SERGEF: variants seen among roughly 807,000 people sequenced by gnomAD.
SERGEF encodes the protein secretion-regulating guanine nucleotide exchange factor.
A neutral mutation model predicts 50.0 loss-of-function variants in SERGEF; 51 were observed. The ratio of observed to expected loss-of-function variants is 1.02; its 90% CI spans 0.81 to 1.29. The LOEUF is 1.29. SERGEF is among the 50% of genes most tolerant of loss of function. The probability of loss-of-function intolerance (pLI) is 0.00; values close to 1 mark genes in which losing one functional copy is unlikely to be tolerated. For missense variants in SERGEF, 521 were observed against 557.0 expected, an observed-to-expected ratio of 0.94 and a Z score of 0.65; for synonymous variants, 205 against 212.4, an observed-to-expected ratio of 0.97 and a Z score of 0.30.
At chr11:17,955,555 C>T (rs560240119) in intron 9 of SERGEF, among the ~76,000 whole-genome samples, 1 of 152,320 alleles carries the variant, frequency 6.6e-6, no homozygotes, top group African/African-American at 2.4e-5. Flanking sequence ...GGCAGTGTCA[C>T]TGAGGTCAGT....
At chr11:17,903,257 C>A (rs1021677456) in intron 9 of SERGEF, among the ~76,000 whole-genome samples, 11 of 151,922 alleles carry the variant, frequency 7.2e-5, no homozygotes, top group Non-Finnish European at 1.2e-4. Context: ...TGACTCACTG[C>A]GGAAGCCTAC....
At chr11:17,999,508 C>T in intron 5 of SERGEF, 2 of 451,510 alleles carry the variant, frequency 4.4e-6, no homozygotes, top group South Asian at 3.2e-5. Flanking sequence ...TCTCTCCTTC[C>T]TCCACTCCAC....
intron 10 of SERGEF, among the ~76,000 whole-genome samples, chr11:17,804,641 ACTGGATTCTT>A (rs1281662131): frequency 6.6e-6 from 1 of 152,184 alleles, no homozygotes; most frequent in African/African-American, 2.4e-5. Flanking sequence ...TCCCTACTTT[ACTGGATTCTT>A]CTAACAATCA....
At chr11:17,913,751 G>A (rs1851996545) in intron 9 of SERGEF, among the ~76,000 whole-genome samples, 1 of 152,110 alleles carries the variant, frequency 6.6e-6, no homozygotes, top group Non-Finnish European at 1.5e-5. Flanking sequence ...CAAGAGAAAA[G>A]AGACCTGTGG....
rs1463648353 is a variant in SERGEF, at chr11:17,845,823, TCCAGGTCTATAGAACTGGG to T, written c.1048+32366_1048+32384del. ...AACTAAGGTCCAGAGAGGGCCCACT[TCCAGGTCTATAGAACTGGG>T]AATTGGGTGCTTAGAAATTTGCAGT... On this transcript the variant is annotated intron_variant, in intron 10 of 10. Coordinates refer to ENST00000265965, the MANE Select transcript of SERGEF (RefSeq NM_012139.4). 3.9e-5 allele frequency among the ~76,000 whole-genome samples: 6 copies of T among 152,178 alleles called. No individual in the cohort carries two copies. The East Asian group carries it at 1.2e-3, about 29-fold the overall frequency.
At chr11:17,841,146 G>A (rs1394114434) in intron 10 of SERGEF, among the ~76,000 whole-genome samples, 1 of 152,160 alleles carries the variant, frequency 6.6e-6, no homozygotes, top group Non-Finnish European at 1.5e-5. Context: ...AAACAAGGCT[G>A]ACCCCCAGAG....
intron 8 of SERGEF, among the ~76,000 whole-genome samples, chr11:17,977,930 A>G (rs1590229566): frequency 6.6e-6 from 1 of 152,346 alleles, no homozygotes. Context: ...CACCCAGTCT[A>G]TATCACTTGG....
At chr11:17,894,628 T>C (rs1055710123) in intron 9 of SERGEF, among the ~76,000 whole-genome samples, 39 of 152,212 alleles carry the variant, frequency 2.6e-4, no homozygotes, top group Non-Finnish European at 5.9e-5. Flanking sequence ...GCTGTGTACA[T>C]AGTAGGTCTT....
intron 7 of SERGEF, 97 bp downstream of exon 7, chr11:17,992,834 T>C (rs1853745452): frequency 9.3e-7 from 1 of 1,079,480 alleles, no homozygotes; most frequent in Non-Finnish European, 1.4e-6. Context: ...AGCTCCAAAG[T>C]CTATGACATT....
chr11:17,934,504 C>A (rs1437752138), intron 9 of SERGEF, among the ~76,000 whole-genome samples: 1 of 152,216 alleles, frequency 6.6e-6, no homozygotes, highest in Non-Finnish European at 1.5e-5. Context: ...CAACTCTCCT[C>A]TAGGTCAGAC....
chr11:17,976,542 C>T (rs1358685728), intron 8 of SERGEF, among the ~76,000 whole-genome samples: 1 of 150,990 alleles, frequency 6.6e-6, no homozygotes, highest in Non-Finnish European at 1.5e-5. Flanking sequence ...CCTCGTGATC[C>T]ACCCGCCTTG....
chr11:17,929,763 A>G (rs184490746), intron 9 of SERGEF, among the ~76,000 whole-genome samples: 1 of 152,262 alleles, frequency 6.6e-6, no homozygotes, highest in Non-Finnish European at 1.5e-5. Context: ...TCTCTGTGTA[A>G]ATGTTTCCTC....
At chr11:17,966,574 C>T (rs914399927) in intron 8 of SERGEF, among the ~76,000 whole-genome samples, 3 of 152,136 alleles carry the variant, frequency 2.0e-5, no homozygotes, top group African/African-American at 7.2e-5. Context: ...TTTAGTCTGA[C>T]CACTGTCCAA....
intron 10 of SERGEF, among the ~76,000 whole-genome samples, chr11:17,807,045 CAAG>C (rs1370188488): frequency 6.6e-6 from 1 of 152,108 alleles, no homozygotes; most frequent in Non-Finnish European, 1.5e-5. Context: ...ACTATTTCAT[CAAG>C]AAGCCCCCAA....
chr11:17,897,141 G>A (rs1382425887), intron 9 of SERGEF, among the ~76,000 whole-genome samples: 2 of 152,160 alleles, frequency 1.3e-5, no homozygotes, highest in African/African-American at 4.8e-5. Context: ...ACCATTGCTG[G>A]GTTTGAAGAT....
intron 9 of SERGEF, among the ~76,000 whole-genome samples, chr11:17,896,701 AAGGGAAGG>A: frequency 9.3e-6 from 1 of 107,312 alleles, no homozygotes; most frequent in Non-Finnish European, 2.2e-5. Context: ...GGGGAAGGGT[AAGGGAAGG>A]GTAAGGGAAG....
Position 17,880,545 on chromosome 11 carries a change from G to T in SERGEF, c.1012-2301C>A, listed in dbSNP as rs976945660. On this transcript the variant is annotated intron_variant, in intron 9 of 10. Coordinates refer to ENST00000265965, the MANE Select transcript of SERGEF (RefSeq NM_012139.4). ...AATATGATCTCAACTCTATAATAAA[G>T]CATGAATAAGAATGGAAGGAGATAC... is the stretch of plus-strand genomic sequence containing the variant. Among the ~76,000 whole-genome samples the T allele has an allele frequency of 4.6e-5, 7 of 151,976 alleles. No individual in the cohort carries two copies. The East Asian group carries it at 1.3e-3, about 29-fold the overall frequency.
In SERGEF at chr11:17,979,984, G is replaced by A. The variant is rs201811262; in HGVS notation, c.844+8613C>T. Among the ~76,000 whole-genome samples, 4 of 152,044 alleles carry A rather than the reference G, an allele frequency of 2.6e-5. No homozygotes were observed. The East Asian group carries it at 5.8e-4, about 22-fold the overall frequency. ...AGTGCTGTCATTACACCCTACCTGC[G>A]CAGAGACCCTGTCACTCAACTTCTA... On this transcript the variant is annotated intron_variant, in intron 8 of 10. Coordinates refer to ENST00000265965, the MANE Select transcript of SERGEF (RefSeq NM_012139.4).
intron 10 of SERGEF, among the ~76,000 whole-genome samples, chr11:17,830,492 G>T (rs1203166051): frequency 1.3e-5 from 2 of 151,944 alleles, no homozygotes; most frequent in African/African-American, 4.8e-5. Flanking sequence ...ATCTGGTGAG[G>T]GCCTTCCTGA....
Sources: allele counts gnomAD v4.1 joint callset (sites outside exome capture counted in the v4.1 genomes callset), GRCh38; gene constraint gnomAD v4.1.1; transcripts MANE v1.5; gene names NCBI Gene and HGNC (gene_info 2026-07-23, HGNC 2026-07-21).